The following GSE1 variants were observed in gnomAD, a reference collection of about 807,000 sequenced individuals.
GSE1 encodes Gse1 coiled-coil protein.
In GSE1, 32 loss-of-function variants were observed where a neutral mutation model predicts 112.6. The observed-to-expected ratio is 0.28, with a 90% CI of 0.21 to 0.38. The LOEUF is 0.38. Among genes scored for constraint, GSE1 ranks in the 10% least tolerant of loss-of-function variants. The probability of loss-of-function intolerance (pLI) is 1.00; values close to 1 mark genes in which losing one functional copy is unlikely to be tolerated. For missense variants in GSE1, 2,348 were observed against 1,699.2 expected (o/e 1.38, Z -6.71); for synonymous variants, 1,115 against 735.6 (o/e 1.52, Z -8.35).
chr16:85,308,358 C>T (rs551945133), intron 1 of GSE1, among the ~76,000 whole-genome samples: 4 of 152,280 alleles, frequency 2.6e-5, no homozygotes, highest in South Asian at 2.1e-4. Context: ...GGGCAGAGAA[C>T]GCCTTTTACT....
intron 2 of GSE1, among the ~76,000 whole-genome samples, chr16:85,421,847 C>T (rs1042626555): frequency 2.6e-5 from 4 of 151,974 alleles, no homozygotes; most frequent in African/African-American, 4.8e-5. Flanking sequence ...GAATGGCTTC[C>T]GGGGTGAGGG....
chr16:85,599,114 A>G (rs1396578595), intron 1 of GSE1, among the ~76,000 whole-genome samples: 1 of 152,204 alleles, frequency 6.6e-6, no homozygotes, highest in Non-Finnish European at 1.5e-5. Context: ...ATGTTGACTT[A>G]CACTGGGGAC....
At chr16:85,348,337 A>G (rs1424355438) in intron 1 of GSE1, among the ~76,000 whole-genome samples, 1 of 141,214 alleles carries the variant, frequency 7.1e-6, no homozygotes, top group African/African-American at 2.7e-5. Flanking sequence ...CTGCCTATCC[A>G]TCTGTCCATT....
chr16:85,411,530 A>G (rs1449789856), intron 2 of GSE1, among the ~76,000 whole-genome samples: 2 of 21,846 alleles, frequency 9.2e-5, no homozygotes, highest in Non-Finnish European at 9.7e-5. Context: ...CCTCACCGTT[A>G]CACTCAGGGC....
At chr16:85,657,159 C>T (rs539694993) in intron 7 of GSE1, 118 bp from the exon 8 acceptor site, 47 of 681,430 alleles carry the variant, frequency 6.9e-5, no homozygotes, top group Admixed American at 4.5e-4. Flanking sequence ...GTTCTGGCTG[C>T]GGGAAGAACC....
intron 8 of GSE1, among the ~76,000 whole-genome samples, chr16:85,658,253 C>T (rs1360045226): frequency 6.6e-6 from 1 of 152,126 alleles, no homozygotes; most frequent in South Asian, 2.1e-4. Flanking sequence ...CGTCATATAC[C>T]CCCAGGGCTC....
Position 85,295,689 on chromosome 16 carries a change from C to T in GSE1, c.2284-61774C>T, listed in dbSNP as rs890373017. Among the ~76,000 whole-genome samples the T allele has an allele frequency of 4.6e-5, 7 of 152,102 alleles. No homozygotes were observed. The East Asian group carries it at 9.6e-4, about 21-fold the overall frequency. On this transcript the variant is annotated intron_variant, in intron 1 of 2. Coordinates refer to the GSE1 transcript ENST00000637419. ...GGGGCTGTCAAAGAATTTGTGGACA[C>T]GATTCAGGACCATCACAGCAACACT...
At chr16:85,619,262 C>G (rs554615158) in intron 1 of GSE1, among the ~76,000 whole-genome samples, 8 of 152,236 alleles carry the variant, frequency 5.3e-5, no homozygotes, top group Non-Finnish European at 1.0e-4. Context: ...CAGCCCTGCC[C>G]TTCCTGCGCT....
chr16:85,177,807 T>G lies in GSE1; in HGVS notation c.2283+6000T>G, dbSNP rs2074498150. 3.9e-5 allele frequency among the ~76,000 whole-genome samples: 6 copies of G among 152,116 alleles called. No homozygotes were observed. The South Asian group carries it at 1.2e-3, about 32-fold the overall frequency. On this transcript the variant is annotated intron_variant, in intron 1 of 2. Transcript: ENST00000637419. ...GTTCTGTCCCTTGGAGGATAACATG[T>G]TAGGGTCAGGAAGAATCTCACAGAC...
At chr16:85,613,078 G>A (rs990402143), upstream of GSE1, 2 of 607,576 alleles carry the variant, frequency 3.3e-6, no homozygotes, top group Non-Finnish European at 4.9e-6. Flanking sequence ...GCCTGGGCGG[G>A]TGGATCCGGG....
In GSE1 at chr16:85,497,950, A is replaced by C. The variant is rs144493668; in HGVS notation, c.2465-135964A>C. Among the ~76,000 whole-genome samples, 68 of 152,164 alleles carry C rather than the reference A, an allele frequency of 4.5e-4. 1 individual carries two copies. In the Middle Eastern group the frequency reaches 0.027, roughly 61 times the overall value. ...GGGGAGCTGACATCGCTTTTACCAGAAGTCTGTCAGCTGGGAGGTGGGGGA... is the reference window on the plus strand; with the variant it reads ...GGGGAGCTGACATCGCTTTTACCAGCAGTCTGTCAGCTGGGAGGTGGGGGA... On this transcript the variant is annotated intron_variant, in intron 2 of 2. Coordinates refer to the GSE1 transcript ENST00000637419.
intron 8 of GSE1, among the ~76,000 whole-genome samples, chr16:85,658,158 A>G (rs893909436): frequency 1.3e-5 from 2 of 152,174 alleles, no homozygotes; most frequent in Non-Finnish European, 2.9e-5. Flanking sequence ...AGGTCTTATG[A>G]GCTGGGCCCC....
intron 2 of GSE1, among the ~76,000 whole-genome samples, chr16:85,361,192 A>AC (rs1325184336): frequency 3.5e-5 from 4 of 114,980 alleles, no homozygotes; most frequent in Non-Finnish European, 6.9e-5. Context: ...ACAGGCACAG[A>AC]CCCCCCACAC....
intron 1 of GSE1, among the ~76,000 whole-genome samples, chr16:85,565,643 C>T (rs1238967694): frequency 6.6e-6 from 1 of 152,204 alleles, no homozygotes; most frequent in Non-Finnish European, 1.5e-5. Context: ...GTGGAGTCTG[C>T]ATGTTCATGA....
chr16:85,186,419 A>G (rs2074702999), intron 1 of GSE1, among the ~76,000 whole-genome samples: 1 of 151,816 alleles, frequency 6.6e-6, no homozygotes, highest in Non-Finnish European at 1.5e-5. Flanking sequence ...CCTGGCCAAC[A>G]TGGTGAAACC....
intron 1 of GSE1, among the ~76,000 whole-genome samples, chr16:85,633,384 G>T (rs1024012403): frequency 6.6e-6 from 1 of 152,208 alleles, no homozygotes; most frequent in Non-Finnish European, 1.5e-5. Flanking sequence ...TGTAACGTGG[G>T]GCAGAACTCC....
intron 1 of GSE1, among the ~76,000 whole-genome samples, chr16:85,222,053 G>C (rs2075403465): frequency 6.6e-6 from 1 of 152,166 alleles, no homozygotes; most frequent in South Asian, 2.1e-4. Context: ...CCTGGGGTAC[G>C]CAGGCCCAGG....
At chr16:85,370,872 G>T (rs555597134) in intron 2 of GSE1, among the ~76,000 whole-genome samples, 1 of 152,338 alleles carries the variant, frequency 6.6e-6, no homozygotes, top group Admixed American at 6.5e-5. Flanking sequence ...GGCAGGAAGT[G>T]GCTGCCGCAG....
intron 2 of GSE1, among the ~76,000 whole-genome samples, chr16:85,495,253 C>T (rs1355223563): frequency 2.6e-5 from 4 of 151,916 alleles, no homozygotes; most frequent in Admixed American, 6.6e-5. Flanking sequence ...AGACCCTGCC[C>T]GTAATGTTTT....
Sources: allele counts gnomAD v4.1 joint callset (sites outside exome capture counted in the v4.1 genomes callset), GRCh38; gene constraint gnomAD v4.1.1; transcripts MANE v1.5; gene names NCBI Gene and HGNC (gene_info 2026-07-23, HGNC 2026-07-21).